ANKS3: variants seen among roughly 807,000 people sequenced by gnomAD.
ANKS3 encodes the protein ankyrin repeat and SAM domain-containing protein 3.
Under a neutral mutation model 80.7 loss-of-function variants are expected in ANKS3, and 62 were observed. The observed-to-expected ratio is 0.77, with a 90% CI of 0.63 to 0.95. ANKS3 has a LOEUF of 0.95. Ranked by LOEUF, ANKS3 falls within the 40% of genes least tolerant of loss-of-function variation. ANKS3 has a pLI of 0.00. For synonymous variants in ANKS3, 489 were observed against 355.3 expected (o/e 1.38, Z -4.23); for missense variants, 1,150 against 883.6 (o/e 1.30, Z -3.82).
chr16:4,701,951 A>G, intron 9 of ANKS3, 151 bp downstream of exon 9: 2 of 992,372 alleles, frequency 2.0e-6, no homozygotes, highest in Middle Eastern at 3.3e-4. Context: ...CCCATTCCTC[A>G]CAAGAACCAG....
chr16:4,701,986 T>C, intron 9 of ANKS3, 116 bp downstream of exon 9: 1 of 1,303,638 alleles, frequency 7.7e-7, no homozygotes, highest in Non-Finnish European at 1.0e-6. Context: ...ACCCCTTTCC[T>C]GTCCTCTGCT....
chr16:4,701,364 G>T, intron 10 of ANKS3, 70 bp downstream of exon 10: 1 of 1,440,588 alleles, frequency 6.9e-7, no homozygotes, highest in Non-Finnish European at 9.4e-7. Context: ...TCATCTTAAA[G>T]TAACTGGGGG....
intron 6 of ANKS3, among the ~76,000 whole-genome samples, chr16:4,715,016 G>C (rs1215598660): frequency 1.0e-5 from 1 of 98,648 alleles, no homozygotes; most frequent in Non-Finnish European, 2.1e-5. Context: ...AAAAAAAAAA[G>C]GATGTTTGGC....
chr16:4,699,291 G>C, intron 11 of ANKS3, 115 bp from the exon 12 acceptor site: 3 of 1,409,136 alleles, frequency 2.1e-6, no homozygotes, highest in Non-Finnish European at 2.9e-6. Context: ...ACAGTGCCTT[G>C]TGTGTGGCGC....
chr16:4,726,885 C>A, intron 4 of ANKS3, 94 bp downstream of exon 4: 1 of 1,599,542 alleles, frequency 6.3e-7, no homozygotes. Flanking sequence ...TACACGAGCA[C>A]ACACGAACAC....
intron 15 of ANKS3, 86 bp downstream of exon 15, chr16:4,697,891 C>G (rs886394828): frequency 7.9e-6 from 10 of 1,262,546 alleles, no homozygotes; most frequent in Admixed American, 6.2e-5. Flanking sequence ...GCCGGAGAAC[C>G]AGGCCAAGCC....
intron 7 of ANKS3, among the ~76,000 whole-genome samples, chr16:4,713,268 T>C (rs1369567900): frequency 6.6e-6 from 1 of 150,832 alleles, no homozygotes; most frequent in Non-Finnish European, 1.5e-5. Context: ...AACTCCCGTA[T>C]CAAAAAAAAA....
intron 3 of ANKS3, 22 bp downstream of exon 3, chr16:4,729,958 G>A: frequency 6.9e-7 from 1 of 1,453,764 alleles, no homozygotes; most frequent in Non-Finnish European, 9.2e-7. Flanking sequence ...AATGTGAGAG[G>A]AAGTTCCCCG....
In ANKS3 at chr16:4,714,150, T is replaced by C. The variant is rs778379488; in HGVS notation, c.610A>G (p.Thr204Ala). Residue 204 changes from threonine to alanine, a missense_variant, in exon 7 of 18, where the codon ACA becomes GCA. Transcript: ENST00000304283. ...KVDARDHSGA[T>A]ARMLAKQYGH... ...TACTGCTTGGCCAGCATCCGGGCTG[T>C]GGCTCCACTGTGGTCTCTCGCGTCC... 6.2e-7 allele frequency: 1 copy of C among 1,614,178 alleles called. No homozygotes were observed. The highest frequency in any genetic ancestry group is 8.5e-7 in the Non-Finnish European group (1 of 1,180,026).
In ANKS3 at chr16:4,714,104, G is replaced by C; in HGVS notation, c.656C>G (p.Ala219Gly). 1 of 1,614,194 alleles carries C rather than the reference G, an allele frequency of 6.2e-7. No homozygotes were observed. The highest frequency in any genetic ancestry group is 8.5e-7 in the Non-Finnish European group (1 of 1,180,042). ...AKQYGHMKIV[A>G]LMDTYSPSLP... Reference sequence around the variant, plus strand: ...AGAGGGCGAGTAAGTGTCCATCAAGGCCACGATCTTCATGTGTCCGTACTG... The same window carrying C: ...AGAGGGCGAGTAAGTGTCCATCAAGCCCACGATCTTCATGTGTCCGTACTG... Residue 219 changes from alanine (A) to glycine (G), a missense_variant, in exon 7 of 18, where the codon GCC becomes GGC. Ala to Gly is a moderately conservative substitution (Grantham distance 60, BLOSUM62 0). Transcript: ENST00000304283.
At chr16:4,700,462 C>A in intron 11 of ANKS3, 1 of 234,602 alleles carries the variant, frequency 4.3e-6, no homozygotes, top group Non-Finnish European at 8.6e-6. Context: ...TCTGCCTCTC[C>A]TCTCCGTGCC....
At chr16:4,728,887 G>GC (rs1322592128) in intron 3 of ANKS3, among the ~76,000 whole-genome samples, 1 of 152,208 alleles carries the variant, frequency 6.6e-6, no homozygotes, top group Non-Finnish European at 1.5e-5. Context: ...GTACCAAGGT[G>GC]CACCAGCACT....
chr16:4,727,353 G>C (rs993560477), intron 3 of ANKS3, 176 bp from the exon 4 acceptor site: 1 of 662,346 alleles, frequency 1.5e-6, no homozygotes, highest in East Asian at 2.7e-5. Context: ...ACAGTTGCTC[G>C]TACACTGCCT....
Position 4,698,072 on chromosome 16 carries a change from A to T in ANKS3, c.1725-10T>A, listed in dbSNP as rs1567289662. On this transcript the variant is annotated splice_polypyrimidine_tract_variant and intron_variant, in intron 14 of 17. Transcript: ENST00000304283. ...CTCAGCTTGACAGGCTCTGCCAGACACAGAAACAAATATTGGTGAGAGCAG... is the reference window on the plus strand; with the variant it reads ...CTCAGCTTGACAGGCTCTGCCAGACTCAGAAACAAATATTGGTGAGAGCAG... 6.2e-7 allele frequency: 1 copy of T among 1,601,732 alleles called. No individual in the cohort carries two copies. The highest frequency in any genetic ancestry group is 8.5e-7 in the Non-Finnish European group (1 of 1,174,792).
chr16:4,697,900 C>G, intron 15 of ANKS3, 77 bp downstream of exon 15: 1 of 1,317,882 alleles, frequency 7.6e-7, no homozygotes, highest in Non-Finnish European at 1.0e-6. Flanking sequence ...CCAGGCCAAG[C>G]CCACTGGGTC....
At chr16:4,700,723 G>T in intron 11 of ANKS3, 1 of 650,958 alleles carries the variant, frequency 1.5e-6, no homozygotes, top group Non-Finnish European at 2.8e-6. Flanking sequence ...GCTCAGGGAG[G>T]CCAACTCCAG....
At chr16:4,702,023 A>G (rs951366339) in intron 9 of ANKS3, 79 bp downstream of exon 9, 2 of 1,469,292 alleles carry the variant, frequency 1.4e-6, no homozygotes, top group African/African-American at 2.9e-5. Context: ...CGCCAGGCCC[A>G]GGGGATAAGT....
chr16:4,722,015 G>A (rs1006253879), intron 6 of ANKS3, among the ~76,000 whole-genome samples: 3 of 151,308 alleles, frequency 2.0e-5, no homozygotes, highest in Non-Finnish European at 4.4e-5. Flanking sequence ...AGCTGCACAT[G>A]GGGCAGGACC....
intron 2 of ANKS3, 29 bp from the exon 3 acceptor site, chr16:4,730,180 T>C (rs2081546483): frequency 6.9e-7 from 1 of 1,456,540 alleles, no homozygotes; most frequent in Non-Finnish European, 9.2e-7. Flanking sequence ...GGGTTAGATC[T>C]TTCCTGGCTG....
Sources: allele counts gnomAD v4.1 joint callset (sites outside exome capture counted in the v4.1 genomes callset), GRCh38; gene constraint gnomAD v4.1.1; transcripts MANE v1.5; gene names NCBI Gene and HGNC (gene_info 2026-07-23, HGNC 2026-07-21).